CRB1: variants seen among roughly 807,000 people sequenced by gnomAD.
CRB1 encodes the protein crumbs cell polarity complex component 1, also known as protein crumbs homolog 1.
In CRB1, 83 loss-of-function variants were observed where a neutral mutation model predicts 120.0. The observed-to-expected ratio is 0.69, with a 90% CI of 0.58 to 0.83. The LOEUF is 0.83. Among genes scored for constraint, CRB1 ranks in the 40% least tolerant of loss-of-function variants. The pLI, the probability that CRB1 is intolerant of heterozygous loss-of-function variation, is 0.00. For synonymous variants in CRB1, 625 were observed against 612.5 expected (o/e 1.02, Z -0.30); for missense variants, 1,699 against 1,687.6 (o/e 1.01, Z -0.12).
chr1:197,438,263 AC>A (rs1558141158), intron 9 of CRB1: 2 of 366,436 alleles, frequency 5.5e-6, no homozygotes. Context: ...TTCTTTTCCA[AC>A]CCAAAATTTA....
At position 197,268,311 on chromosome 1, in the gene CRB1, G is replaced by A; in HGVS notation, c.-102G>A. 2.4e-6 allele frequency: 2 copies of A among 826,706 alleles called. No individual in the cohort carries two copies. The highest frequency in any genetic ancestry group is 2.4e-5 in the East Asian group (1 of 41,044). The allele number at this position is 826,706 out of a possible 1,614,324, so 51.2% of individuals were successfully genotyped here. A position where few individuals can be genotyped will look rare whatever the true frequency, so the allele number is the denominator to read the frequency against. ...GGGTGGGACAGAGATGGCACCTGGG[G>A]GTTCTGAGGCACCCGCTCCTCTCTG... is the stretch of plus-strand genomic sequence containing the variant. On this transcript the variant is annotated 5_prime_UTR_variant, in exon 1 of 12. Coordinates refer to ENST00000367400, the MANE Select transcript of CRB1 (RefSeq NM_201253.3).
At chr1:197,403,575 T>C (rs1278317020) in intron 5 of CRB1, among the ~76,000 whole-genome samples, 1 of 152,178 alleles carries the variant, frequency 6.6e-6, no homozygotes, top group Non-Finnish European at 1.5e-5. Context: ...GAAGAAGTGG[T>C]AGATATCTGA....
intron 11 of CRB1, chr1:197,443,689 T>C (rs1438480355): frequency 1.3e-5 from 2 of 151,898 alleles, no homozygotes; most frequent in African/African-American, 4.8e-5. Flanking sequence ...TATTTGACAT[T>C]ATGATTTTTT....
intron 1 of CRB1, among the ~76,000 whole-genome samples, chr1:197,270,605 A>C (rs1367765686): frequency 6.6e-6 from 1 of 152,198 alleles, no homozygotes; most frequent in Admixed American, 6.5e-5. Context: ...GAAAAGATAA[A>C]CACTATGAGC....
At chr1:197,244,363 G>A in the CRB1 span, among the ~76,000 whole-genome samples, 689 of 151,760 alleles carry the variant, frequency 4.5e-3, 3 homozygotes, top group Non-Finnish European at 7.1e-3. Context: ...TCTGCTGGCA[G>A]CAAATTATCT....
intron 11 of CRB1, among the ~76,000 whole-genome samples, chr1:197,470,860 A>G (rs895448973): frequency 1.3e-5 from 2 of 152,202 alleles, no homozygotes; most frequent in African/African-American, 4.8e-5. Flanking sequence ...AAACTTGTCT[A>G]TTTATGACCA....
In CRB1 at chr1:197,327,106, A is replaced by C. The variant is rs1291373501; in HGVS notation, c.71-1316A>C. The stretch of plus-strand genomic sequence containing the variant: ...TCTCACACACCAAAAAAAAAAAAAA[A>C]AAAAAAAAAAAAAAAAAAAAAAAAA... On this transcript the variant is annotated intron_variant, in intron 1 of 11. Transcript: ENST00000367400. Among the ~76,000 whole-genome samples, 107 of 105,190 alleles carry C rather than the reference A, an allele frequency of 1.0e-3. 2 individuals are homozygous for C. The South Asian group carries it at 0.011, about 10-fold the overall frequency. The allele number at this position is 105,190 out of a possible 152,430, so 69.0% of individuals were successfully genotyped here.
upstream of CRB1, among the ~76,000 whole-genome samples, chr1:197,263,598 T>C (rs905819262): frequency 6.6e-6 from 1 of 152,122 alleles, no homozygotes; most frequent in African/African-American, 2.4e-5. Flanking sequence ...TTCCTAGGGA[T>C]TCAGTGAGCT....
the CRB1 span, among the ~76,000 whole-genome samples, chr1:197,244,120 C>T: frequency 6.6e-6 from 1 of 152,136 alleles, no homozygotes; most frequent in Non-Finnish European, 1.5e-5. Context: ...GGTCTTGACT[C>T]TTTATCCAAT....
the CRB1 span, among the ~76,000 whole-genome samples, chr1:197,217,731 A>G: frequency 3.3e-5 from 5 of 152,306 alleles, no homozygotes; most frequent in African/African-American, 9.6e-5. Flanking sequence ...CTGTTCTAAA[A>G]TTAGATAGTG....
chr1:197,258,519 ACAAAT>A, the CRB1 span, among the ~76,000 whole-genome samples: 1,076 of 152,260 alleles, frequency 7.1e-3, 15 homozygotes, highest in African/African-American at 0.022. Context: ...CCCCTTCCTG[ACAAAT>A]CAAATTGGTC....
chr1:197,454,825 T>C (rs1666199117), intron 11 of CRB1, among the ~76,000 whole-genome samples: 1 of 152,192 alleles, frequency 6.6e-6, no homozygotes, highest in Admixed American at 6.5e-5. Flanking sequence ...AATGCATTTA[T>C]TCATTCATCC....
intron 1 of CRB1, among the ~76,000 whole-genome samples, chr1:197,320,005 G>C (rs756719771): frequency 6.6e-6 from 1 of 152,130 alleles, no homozygotes; most frequent in Non-Finnish European, 1.5e-5. Context: ...TTAAAATCTT[G>C]CTTTTGTTTT....
chr1:197,437,704 A>G (rs1665230143), intron 9 of CRB1, among the ~76,000 whole-genome samples: 1 of 152,164 alleles, frequency 6.6e-6, no homozygotes. Flanking sequence ...ACTTAGCATC[A>G]TATAAGCTAG....
chr1:197,315,881 G>C (rs769349948), intron 1 of CRB1, among the ~76,000 whole-genome samples: 5 of 152,168 alleles, frequency 3.3e-5, no homozygotes, highest in Non-Finnish European at 7.3e-5. Flanking sequence ...AAATGTTTAA[G>C]ATATAACAAT....
intron 9 of CRB1, among the ~76,000 whole-genome samples, chr1:197,437,695 CTT>C (rs1665230024): frequency 6.6e-6 from 1 of 152,092 alleles, no homozygotes; most frequent in African/African-American, 2.4e-5. Context: ...AAGAGACACA[CTT>C]AGCATCATAT....
chr1:197,295,171 C>T (rs913953114), intron 1 of CRB1, among the ~76,000 whole-genome samples: 4 of 151,936 alleles, frequency 2.6e-5, no homozygotes, highest in Non-Finnish European at 5.9e-5. Flanking sequence ...ATTTTTCAAC[C>T]TCTTGGCAGG....
chr1:197,282,185 A>C (rs78395104), intron 1 of CRB1, among the ~76,000 whole-genome samples: 1,750 of 151,864 alleles, frequency 0.012, 34 homozygotes, highest in African/African-American at 0.039. Context: ...TGAATTTAAA[A>C]TGTATTTGTT....
intron 4 of CRB1, among the ~76,000 whole-genome samples, chr1:197,351,319 C>T (rs1660085320): frequency 6.9e-6 from 1 of 143,940 alleles, no homozygotes; most frequent in East Asian, 2.0e-4. Flanking sequence ...GAGATCGCGC[C>T]ACTGCACTCC....
Sources: gnomAD v4.1 joint callset for allele counts (sites outside exome capture counted in the v4.1 genomes callset) on GRCh38, gnomAD v4.1.1 for gene constraint, MANE v1.5 for transcripts, NCBI Gene and HGNC (gene_info 2026-07-23, HGNC 2026-07-21) for gene names.